Variants in DUS2 observed in about 807,000 individuals in gnomAD.
DUS2 encodes dihydrouridine synthase 2.
Under a neutral mutation model 71.3 loss-of-function variants are expected in DUS2, and 52 were observed. The ratio of observed to expected loss-of-function variants is 0.73; its 90% CI spans 0.58 to 0.92. The LOEUF is 0.92. Ranked by LOEUF, DUS2 falls within the 40% of genes least tolerant of loss-of-function variation. The probability of loss-of-function intolerance (pLI) is 0.00; values close to 1 mark genes in which losing one functional copy is unlikely to be tolerated. For missense variants in DUS2, 558 were observed against 622.6 expected, an observed-to-expected ratio of 0.90 and a Z score of 1.10; for synonymous variants, 204 against 227.8, an observed-to-expected ratio of 0.90 and a Z score of 0.94.
chr16:68,065,462 G>A lies in DUS2; in HGVS notation c.418-855G>A, dbSNP rs142635927. ...CCAGGACTTTGGGAGGATAAAACAGGTGGATTGCTTGAGCTCAGGAGTTCG... is the reference window on the plus strand; with the variant it reads ...CCAGGACTTTGGGAGGATAAAACAGATGGATTGCTTGAGCTCAGGAGTTCG... On this transcript the variant is annotated intron_variant, in intron 8 of 16. Transcript: ENST00000565263. 8.9e-4 allele frequency among the ~76,000 whole-genome samples: 135 copies of A among 151,918 alleles called. 1 individual carries two copies. Among genetic ancestry groups the A allele is most frequent in the African/African-American group, 3.1e-3 (129 of 41,422 alleles).
chr16:68,042,265 G>A (rs1447496543), intron 3 of DUS2, among the ~76,000 whole-genome samples: 2 of 152,008 alleles, frequency 1.3e-5, no homozygotes, highest in Non-Finnish European at 2.9e-5. Flanking sequence ...CCATTCATCC[G>A]TTAATGGCCA....
At chr16:68,064,782 T>A (rs1323742994) in intron 8 of DUS2, among the ~76,000 whole-genome samples, 2 of 152,230 alleles carry the variant, frequency 1.3e-5, no homozygotes, top group African/African-American at 4.8e-5. Flanking sequence ...CCTGTCTTGC[T>A]CATGAACTGT....
rs368562882 is a variant in DUS2 at position 68,029,959 on chromosome 16, T to C, written c.-19+4465T>C. Among the ~76,000 whole-genome samples, 8 of 150,780 alleles carry C rather than the reference T, an allele frequency of 5.3e-5. No individual in the cohort carries two copies. The East Asian group carries it at 1.5e-3, about 27-fold the overall frequency. ...TGGTGTCTTATTATGTTGCCTGGGC[T>C]GGTCTTGAACTCCTGGCCTCAAACG... is the stretch of plus-strand genomic sequence containing the variant. On this transcript the variant is annotated intron_variant, in intron 2 of 16. Coordinates refer to ENST00000565263, the MANE Select transcript of DUS2 (RefSeq NM_017803.5).
intron 1 of DUS2, among the ~76,000 whole-genome samples, chr16:68,024,787 G>A (rs959377729): frequency 1.3e-5 from 2 of 150,708 alleles, no homozygotes; most frequent in African/African-American, 2.4e-5. Context: ...AAACAAGGGT[G>A]ATTTTGCCCT....
At chr16:68,038,449 G>T (rs1188654241) in intron 3 of DUS2, among the ~76,000 whole-genome samples, 1 of 152,080 alleles carries the variant, frequency 6.6e-6, no homozygotes, top group African/African-American at 2.4e-5. Context: ...AATAAAAGAG[G>T]CCTGGCACAG....
intron 3 of DUS2, among the ~76,000 whole-genome samples, chr16:68,048,317 T>G (rs2033732971): frequency 6.6e-6 from 1 of 152,218 alleles, no homozygotes; most frequent in Non-Finnish European, 1.5e-5. Flanking sequence ...GGCTACTGAA[T>G]TTCTTTTTAT....
At chr16:68,027,895 A>C (rs922709734) in intron 2 of DUS2, among the ~76,000 whole-genome samples, 1 of 152,038 alleles carries the variant, frequency 6.6e-6, no homozygotes, top group Non-Finnish European at 1.5e-5. Context: ...ACTGAGAGAG[A>C]GCAGGCCAGG....
At chr16:68,029,805 C>CA (rs2033411346) in intron 2 of DUS2, among the ~76,000 whole-genome samples, 1 of 151,422 alleles carries the variant, frequency 6.6e-6, no homozygotes, top group Non-Finnish European at 1.5e-5. Flanking sequence ...GTTGACTTTC[C>CA]AAATTTGAAT....
intron 16 of DUS2, 48 bp from the exon 17 acceptor site, chr16:68,078,701 C>A: frequency 6.4e-7 from 1 of 1,558,128 alleles, no homozygotes; most frequent in Non-Finnish European, 8.8e-7. Flanking sequence ...AGTCAGGCCT[C>A]ATAGCCCTGC....
At chr16:68,052,383 T>G (rs1464018038) in intron 4 of DUS2, among the ~76,000 whole-genome samples, 1 of 152,182 alleles carries the variant, frequency 6.6e-6, no homozygotes, top group African/African-American at 2.4e-5. Context: ...ACTCAAAACT[T>G]TCACCACTCT....
chr16:68,049,933 A>G (rs2033755529), intron 4 of DUS2, among the ~76,000 whole-genome samples: 1 of 152,200 alleles, frequency 6.6e-6, no homozygotes, highest in Admixed American at 6.5e-5. Context: ...ATGAAATCAT[A>G]GTCTTTGCTT....
chr16:68,043,569 T>C (rs1000600891), intron 3 of DUS2, among the ~76,000 whole-genome samples: 1 of 152,232 alleles, frequency 6.6e-6, no homozygotes, highest in African/African-American at 2.4e-5. Flanking sequence ...AACATCTTTT[T>C]ATATGCTTTT....
chr16:68,037,684 G>T (rs889362478), intron 2 of DUS2, among the ~76,000 whole-genome samples: 71 of 152,152 alleles, frequency 4.7e-4, no homozygotes, highest in African/African-American at 1.6e-3. Flanking sequence ...CTCCCAAAGT[G>T]TTGGGATTAC....
At chr16:68,058,409 G>A (rs550572985) in intron 7 of DUS2, among the ~76,000 whole-genome samples, 2 of 152,050 alleles carry the variant, frequency 1.3e-5, no homozygotes, top group East Asian at 3.9e-4. Flanking sequence ...TGTATTTTTA[G>A]TAGAGACGGG....
At chr16:68,039,502 T>C (rs999251343) in intron 3 of DUS2, among the ~76,000 whole-genome samples, 6 of 151,970 alleles carry the variant, frequency 3.9e-5, no homozygotes, top group Non-Finnish European at 7.4e-5. Flanking sequence ...CACTGCAAGC[T>C]CTGCCTCCCA....
At chr16:68,063,705 T>G (rs1416101397) in intron 8 of DUS2, among the ~76,000 whole-genome samples, 2 of 151,996 alleles carry the variant, frequency 1.3e-5, no homozygotes, top group African/African-American at 4.8e-5. Flanking sequence ...GAACCTCAGT[T>G]TTATTTTATT....
chr16:68,038,141 T>C lies in DUS2; in HGVS notation c.118T>C (p.Tyr40His). The C allele has an allele frequency of 6.2e-7, 1 of 1,613,874 alleles. No individual in the cohort carries two copies. Among genetic ancestry groups the C allele is most frequent in the Non-Finnish European group, 8.5e-7 (1 of 1,179,868 alleles). ...CCTGGATTATGGAGCGGACATTGTT[T>C]ACTGTGAGGTAAGGGGCTCTGATTT... ...LALDYGADIV[Y>H]CEELIDLKMI... The change falls in exon 3 of 17, where the codon TAC (tyrosine) becomes CAC (histidine). Residue 40 changes from tyrosine (Y) to histidine (H), a missense_variant. Physicochemically the swap from Tyr to His is moderately conservative, Grantham distance 83. Transcript: ENST00000565263.
chr16:68,047,957 A>G (rs563156058), intron 3 of DUS2, among the ~76,000 whole-genome samples: 7 of 151,596 alleles, frequency 4.6e-5, no homozygotes, highest in Non-Finnish European at 5.9e-5. Context: ...ATTTTTAAAA[A>G]TGTTTTGTAG....
intron 8 of DUS2, among the ~76,000 whole-genome samples, chr16:68,065,134 G>A (rs1482949138): frequency 2.6e-5 from 4 of 152,168 alleles, no homozygotes; most frequent in East Asian, 1.9e-4. Flanking sequence ...ACTTTCCTGC[G>A]TGACTTCTTG....
Sources: gnomAD v4.1 joint callset for allele counts (sites outside exome capture counted in the v4.1 genomes callset) on GRCh38, gnomAD v4.1.1 for gene constraint, MANE v1.5 for transcripts, NCBI Gene and HGNC (gene_info 2026-07-23, HGNC 2026-07-21) for gene names.